Variants in MAP3K3 observed in about 807,000 individuals in gnomAD.
The protein encoded by MAP3K3 is mitogen-activated protein kinase kinase kinase 3, also known as MAP/ERK kinase kinase 3.
Under a neutral mutation model 80.9 loss-of-function variants are expected in MAP3K3, and 12 were observed. That is an observed-to-expected ratio of 0.15 (90% CI 0.10 to 0.24). The LOEUF (loss-of-function observed/expected upper bound fraction) is 0.24. Ranked by LOEUF, MAP3K3 falls within the 10% of genes least tolerant of loss-of-function variation. MAP3K3 has a pLI of 1.00. For missense variants in MAP3K3, 596 were observed against 834.7 expected (o/e 0.71, Z 3.52); for synonymous variants, 272 against 307.1 (o/e 0.89, Z 1.19).
Position 63,691,081 on chromosome 17 carries a change from G to T in MAP3K3, c.1213-21G>T, listed in dbSNP as rs370304509. On this transcript the variant is annotated intron_variant, in intron 12 of 15. Transcript: ENST00000361733. This position sits in a 1 kb window ranked among gnomAD's most constrained non-coding sequence, Gnocchi z 4.8. ...GAACTAGGGCCCTGAGAGCTGAGGC[G>T]ACCACTGACCCCTCCCCTAGGAGGT... The T allele has an allele frequency of 3.1e-6, 5 of 1,613,236 alleles. No homozygotes were observed. In the South Asian group the frequency reaches 3.3e-5, roughly 11 times the overall value.
At chr17:63,673,651 C>T (rs918138092) in intron 6 of MAP3K3, among the ~76,000 whole-genome samples, 3 of 152,138 alleles carry the variant, frequency 2.0e-5, no homozygotes, top group African/African-American at 7.2e-5. Context: ...TGGCTCATGC[C>T]TATAATCTTA....
chr17:63,684,391 T>C (rs1009383499), intron 7 of MAP3K3, among the ~76,000 whole-genome samples: 3 of 152,222 alleles, frequency 2.0e-5, no homozygotes, highest in Non-Finnish European at 4.4e-5. Flanking sequence ...AAAGCAATTC[T>C]CTCCGATGTT....
intron 2 of MAP3K3, among the ~76,000 whole-genome samples, chr17:63,633,217 G>A (rs2034253957): frequency 6.7e-6 from 1 of 149,490 alleles, no homozygotes; most frequent in Non-Finnish European, 1.5e-5. Context: ...AAGACAGAGT[G>A]AAACTCTGTC....
chr17:63,642,715 G>A (rs981612502), intron 2 of MAP3K3, among the ~76,000 whole-genome samples: 23 of 152,058 alleles, frequency 1.5e-4, no homozygotes, highest in African/African-American at 5.3e-4. Flanking sequence ...GCTGTTATGT[G>A]TGTGTGTGTT....
At chr17:63,650,882 G>A (rs2034642076) in intron 3 of MAP3K3, among the ~76,000 whole-genome samples, 1 of 151,738 alleles carries the variant, frequency 6.6e-6, no homozygotes, top group Non-Finnish European at 1.5e-5. Context: ...TGTTTAGTAG[G>A]CAGGAGGGCT....
At chr17:63,673,682 G>A (rs1047734810) in intron 6 of MAP3K3, among the ~76,000 whole-genome samples, 2 of 152,052 alleles carry the variant, frequency 1.3e-5, no homozygotes, top group African/African-American at 2.4e-5. Flanking sequence ...AGGCCAAGGC[G>A]GGCAAATCAC....
At chr17:63,628,630 G>T (rs193026664) in intron 1 of MAP3K3, among the ~76,000 whole-genome samples, 19 of 152,206 alleles carry the variant, frequency 1.2e-4, no homozygotes, top group South Asian at 1.2e-3. Flanking sequence ...AAAGTGCTGG[G>T]ATTACAGGCG....
chr17:63,630,366 C>T (rs888495869), intron 1 of MAP3K3, among the ~76,000 whole-genome samples: 8 of 152,110 alleles, frequency 5.3e-5, no homozygotes, highest in Non-Finnish European at 8.8e-5. Context: ...GTCTCACTGT[C>T]GCCCAGGCTG....
rs566137810 is a variant in MAP3K3 at position 63,636,888 on chromosome 17, T to C, written c.126+4086T>C. 41 of 429,126 alleles carry C rather than the reference T, an allele frequency of 9.6e-5. No individual in the cohort carries two copies. The South Asian group carries it at 1.0e-3, about 11-fold the overall frequency. 26.6% of individuals were successfully genotyped at this position (429,126 alleles called of 1,614,324 possible). On this transcript the variant is annotated intron_variant, in intron 2 of 15. Transcript: ENST00000361733. Reference sequence around the variant, plus strand: ...CGCTGGACATCAAGCCTTGGGACAATGAGACCAATATAGCCCAATTGGAGG... The same window carrying C: ...CGCTGGACATCAAGCCTTGGGACAACGAGACCAATATAGCCCAATTGGAGG...
At chr17:63,640,050 G>C (rs867627982) in intron 2 of MAP3K3, among the ~76,000 whole-genome samples, 25 of 152,160 alleles carry the variant, frequency 1.6e-4, no homozygotes, top group Non-Finnish European at 5.9e-5. Context: ...GGAGGAAAAG[G>C]AAGGAAAGAA....
intron 8 of MAP3K3, among the ~76,000 whole-genome samples, chr17:63,685,916 T>G (rs942723170): frequency 1.3e-5 from 2 of 152,226 alleles, no homozygotes; most frequent in Admixed American, 1.3e-4. Flanking sequence ...GAGTGGACTG[T>G]CAGTGTTTTA....
chr17:63,681,552 A>T (rs2035336796), intron 6 of MAP3K3, among the ~76,000 whole-genome samples: 1 of 152,218 alleles, frequency 6.6e-6, no homozygotes, highest in Admixed American at 6.5e-5. Context: ...TTTTGGTCGG[A>T]TATGCCGTAG....
At chr17:63,649,566 C>T (rs767718792) in intron 3 of MAP3K3, among the ~76,000 whole-genome samples, 4 of 152,176 alleles carry the variant, frequency 2.6e-5, no homozygotes, top group Non-Finnish European at 4.4e-5. Flanking sequence ...ACAACAGGCA[C>T]ACTGCCATAG....
At chr17:63,660,645 T>A (rs1394018545) in intron 5 of MAP3K3, among the ~76,000 whole-genome samples, 1 of 151,748 alleles carries the variant, frequency 6.6e-6, no homozygotes, top group African/African-American at 2.4e-5. Flanking sequence ...CAGGCTGGAG[T>A]GCAGGGGTGT....
chr17:63,688,698 G>T, intron 9 of MAP3K3, 91 bp from the exon 10 acceptor site: 1 of 1,421,316 alleles, frequency 7.0e-7, no homozygotes, highest in Non-Finnish European at 1.0e-6. Flanking sequence ...TGGGCTTGCT[G>T]CTTTGAGGTC....
chr17:63,650,798 C>A (rs1178910666), intron 3 of MAP3K3, among the ~76,000 whole-genome samples: 2 of 148,866 alleles, frequency 1.3e-5, no homozygotes, highest in Non-Finnish European at 3.0e-5. Context: ...CTCAAGTGAT[C>A]CTCCCACCTC....
rs73992359 is a variant in MAP3K3, at chr17:63,685,868, G to C, written c.710+278G>C. Among the ~76,000 whole-genome samples the C allele has an allele frequency of 7.2e-5, 11 of 152,264 alleles. No individual in the cohort carries two copies. The East Asian group carries it at 2.1e-3, about 29-fold the overall frequency. ...TTTCCATATAATATATGCCGCTCTCGTACTTTTGGCCTCACTGCTGTGATC... is the reference window on the plus strand; with the variant it reads ...TTTCCATATAATATATGCCGCTCTCCTACTTTTGGCCTCACTGCTGTGATC... On this transcript the variant is annotated intron_variant, in intron 8 of 15. Transcript: ENST00000361733.
At chr17:63,644,385 T>C (rs1331880877) in intron 2 of MAP3K3, among the ~76,000 whole-genome samples, 1 of 152,192 alleles carries the variant, frequency 6.6e-6, no homozygotes, top group African/African-American at 2.4e-5. Flanking sequence ...CGGCACACTT[T>C]TTGTATTTTA....
intron 6 of MAP3K3, among the ~76,000 whole-genome samples, chr17:63,680,690 C>G (rs923218946): frequency 2.0e-5 from 3 of 152,106 alleles, no homozygotes; most frequent in Non-Finnish European, 4.4e-5. Context: ...CATTCACTAA[C>G]ATTAGGATGA....
Sources: allele counts gnomAD v4.1 joint callset (sites outside exome capture counted in the v4.1 genomes callset), GRCh38; gene constraint gnomAD v4.1.1; non-coding constraint Gnocchi (gnomAD v3.1); transcripts MANE v1.5; gene names NCBI Gene and HGNC (gene_info 2026-07-23, HGNC 2026-07-21).